The following RBFOX1 variants were observed in gnomAD, a reference collection of about 807,000 sequenced individuals.
RBFOX1 encodes RNA binding fox-1 homolog 1, also known as RNA binding protein fox-1 homolog 1.
In RBFOX1, 8 loss-of-function variants were observed where a neutral mutation model predicts 57.7. The ratio of observed to expected loss-of-function variants is 0.14; its 90% CI spans 0.08 to 0.25. RBFOX1 has a LOEUF of 0.25. Ranked by LOEUF, RBFOX1 falls within the 10% of genes least tolerant of loss-of-function variation. The probability of loss-of-function intolerance (pLI) is 1.00; values close to 1 mark genes in which losing one functional copy is unlikely to be tolerated. For missense variants in RBFOX1, 611 were observed against 548.5 expected, an observed-to-expected ratio of 1.11 and a Z score of -1.14; for synonymous variants, 326 against 222.4, an observed-to-expected ratio of 1.47 and a Z score of -4.15.
At chr16:5,750,370 G>C (rs895314203) in intron 3 of RBFOX1, among the ~76,000 whole-genome samples, 3 of 152,210 alleles carry the variant, frequency 2.0e-5, no homozygotes, top group African/African-American at 7.2e-5. Flanking sequence ...TCCATGCTGG[G>C]AGAACTAGTA....
intron 2 of RBFOX1, among the ~76,000 whole-genome samples, chr16:6,485,067 G>A (rs572827551): frequency 2.7e-4 from 41 of 152,310 alleles, no homozygotes; most frequent in African/African-American, 9.9e-4. Context: ...GTGGCATGGA[G>A]TAACTTGCCT....
At chr16:7,433,988 G>T (rs76547363) in intron 4 of RBFOX1, among the ~76,000 whole-genome samples, 1 of 152,188 alleles carries the variant, frequency 6.6e-6, no homozygotes, top group East Asian at 1.9e-4. Context: ...TTGTGAGAAC[G>T]ATGAGAGGGA....
chr16:7,381,493 C>T (rs2097781134), intron 4 of RBFOX1, among the ~76,000 whole-genome samples: 1 of 143,904 alleles, frequency 6.9e-6, no homozygotes, highest in Non-Finnish European at 1.5e-5. Context: ...GTTCATACAT[C>T]GTTCCCCCCC....
At chr16:5,797,143 T>A (rs1380541429) in intron 3 of RBFOX1, among the ~76,000 whole-genome samples, 1 of 152,180 alleles carries the variant, frequency 6.6e-6, no homozygotes, top group Non-Finnish European at 1.5e-5. Flanking sequence ...AGTGGTGACA[T>A]TGACACTGAG....
chr16:6,741,515 T>C (rs1330865754), intron 3 of RBFOX1, among the ~76,000 whole-genome samples: 1 of 151,824 alleles, frequency 6.6e-6, no homozygotes, highest in East Asian at 1.9e-4. Context: ...AGTACAAATT[T>C]TAGCCAGGCT....
In RBFOX1 at chr16:5,418,384, G is replaced by A. The variant is rs554172039; in HGVS notation, c.220-48832G>A. On this transcript the variant is annotated intron_variant, in intron 1 of 2. Coordinates refer to the RBFOX1 transcript ENST00000585867. ...CTGAGAAGATGCACAGGGGAAATAC[G>A]GAGGACCGGGGTGTTGTGTGAGGCA... Among the ~76,000 whole-genome samples, 7 of 152,078 alleles carry A rather than the reference G, an allele frequency of 4.6e-5. No individual in the cohort carries two copies. The East Asian group carries it at 1.2e-3, about 25-fold the overall frequency.
chr16:6,394,155 A>G (rs1368594087), intron 2 of RBFOX1, among the ~76,000 whole-genome samples: 1 of 152,222 alleles, frequency 6.6e-6, no homozygotes, highest in Non-Finnish European at 1.5e-5. Context: ...CCTGAATGCA[A>G]AAATATGGGA....
chr16:6,520,890 G>GA lies in RBFOX1; in HGVS notation c.-63-133706dup, dbSNP rs145315903. ...AGAAAGTAGGCAGACGTTGCTGAGAGAAAAAAATCCAATAAAATTTCTGTG... is the reference window on the plus strand; with the variant it reads ...AGAAAGTAGGCAGACGTTGCTGAGAGAAAAAAAATCCAATAAAATTTCTGTG... On this transcript the variant is annotated intron_variant, in intron 2 of 15. Transcript: ENST00000550418. 8.4e-3 allele frequency among the ~76,000 whole-genome samples: 1,271 copies of GA among 152,122 alleles called. 20 individuals are homozygous for GA. Among genetic ancestry groups the GA allele is most frequent in the Admixed American group, 0.046 (705 of 15,282 alleles).
intron 3 of RBFOX1, among the ~76,000 whole-genome samples, chr16:6,974,596 C>G (rs982294373): frequency 1.1e-4 from 16 of 151,976 alleles, no homozygotes; most frequent in African/African-American, 3.6e-4. Flanking sequence ...CTGCCCACCT[C>G]GGCCTCCCAA....
chr16:7,353,089 C>A (rs373577928), intron 4 of RBFOX1, among the ~76,000 whole-genome samples: 2 of 152,226 alleles, frequency 1.3e-5, no homozygotes. Flanking sequence ...AAAGCCATAC[C>A]TTTGACCAGT....
chr16:6,877,292 GCTTCTAT>G (rs1354721162), intron 3 of RBFOX1, among the ~76,000 whole-genome samples: 1 of 152,196 alleles, frequency 6.6e-6, no homozygotes, highest in Non-Finnish European at 1.5e-5. Flanking sequence ...TTGGAGGTAT[GCTTCTAT>G]CTAGTTTTAT....
chr16:6,052,822 A>AATC (rs2095569533), intron 1 of RBFOX1, among the ~76,000 whole-genome samples: 1 of 148,434 alleles, frequency 6.7e-6, no homozygotes, highest in African/African-American at 2.5e-5. Context: ...TAATAATAAT[A>AATC]ATAATAATAA....
At chr16:7,105,282 G>A (rs1344704743) in intron 4 of RBFOX1, among the ~76,000 whole-genome samples, 1 of 90,368 alleles carries the variant, frequency 1.1e-5, no homozygotes. Context: ...GGAACCATAT[G>A]GTCTGATTTT....
chr16:6,008,200 A>C (rs2094938555), intron 4 of RBFOX1, among the ~76,000 whole-genome samples: 1 of 142,746 alleles, frequency 7.0e-6, no homozygotes, highest in Admixed American at 6.9e-5. Flanking sequence ...GTGAAACTGT[A>C]TCCCCCCCAC....
chr16:6,767,961 A>ATAATAAT (rs1567166012), intron 3 of RBFOX1, among the ~76,000 whole-genome samples: 1 of 123,554 alleles, frequency 8.1e-6, no homozygotes, highest in African/African-American at 3.2e-5. Context: ...AAGAAGAAGA[A>ATAATAAT]GAAGAAGAAG....
chr16:6,175,552 C>T (rs1193360309), intron 1 of RBFOX1, among the ~76,000 whole-genome samples: 4 of 152,078 alleles, frequency 2.6e-5, no homozygotes, highest in South Asian at 2.1e-4. Flanking sequence ...GTAATGGTTG[C>T]GCTTTTGTTG....
chr16:5,411,153 G>C (rs1480535067), intron 1 of RBFOX1, among the ~76,000 whole-genome samples: 2 of 152,100 alleles, frequency 1.3e-5, no homozygotes, highest in Non-Finnish European at 2.9e-5. Context: ...GACTGTGGTG[G>C]GAAGAAAAAA....
rs539003920 is a variant in RBFOX1, at chr16:5,829,022, G to C, written c.319-38281G>C. Among the ~76,000 whole-genome samples, 3 of 152,300 alleles carry C rather than the reference G, an allele frequency of 2.0e-5. No individual in the cohort carries two copies. In the South Asian group the frequency reaches 6.2e-4, roughly 32 times the overall value. Reference sequence around the variant, plus strand: ...ATTGCTAGGGCTGCAGATATCCGAAGACCTGGCCAAGGAAGGATCTGCTTT... The same window carrying C: ...ATTGCTAGGGCTGCAGATATCCGAACACCTGGCCAAGGAAGGATCTGCTTT... On this transcript the variant is annotated intron_variant, in intron 3 of 19. Coordinates refer to the RBFOX1 transcript ENST00000641259.
At chr16:6,832,008 A>T (rs1356895803) in intron 3 of RBFOX1, among the ~76,000 whole-genome samples, 1 of 152,234 alleles carries the variant, frequency 6.6e-6, no homozygotes, top group African/African-American at 2.4e-5. Context: ...ATCACTAATT[A>T]AATAAAGTAC....
Sources: allele counts gnomAD v4.1 joint callset (sites outside exome capture counted in the v4.1 genomes callset), GRCh38; gene constraint gnomAD v4.1.1; transcripts MANE v1.5; gene names NCBI Gene and HGNC (gene_info 2026-07-23, HGNC 2026-07-21).